B3GALT1: variants seen among roughly 807,000 people sequenced by gnomAD.
The protein encoded by B3GALT1 is UDP-Gal:betaGlcNAc beta 1,3-galactosyltransferase, polypeptide 1.
In B3GALT1, 10 loss-of-function variants were observed where a neutral mutation model predicts 23.2. That is an observed-to-expected ratio of 0.43 (90% CI 0.27 to 0.73). The LOEUF is 0.73. B3GALT1 is among the 30% of genes least tolerant of loss of function. The pLI is 0.21. For missense variants in B3GALT1, 299 were observed against 405.4 expected, an observed-to-expected ratio of 0.74 and a Z score of 2.25; for synonymous variants, 156 against 141.5, an observed-to-expected ratio of 1.10 and a Z score of -0.73.
At chr2:167,466,879 A>ATTTTTTTT (rs567975404) in intron 1 of B3GALT1, among the ~76,000 whole-genome samples, 102 of 84,920 alleles carry the variant, frequency 1.2e-3, no homozygotes, top group Non-Finnish European at 1.5e-3. Context: ...CGCCTGGCTA[A>ATTTTTTTT]TTTTTTTTTT....
intron 1 of B3GALT1, among the ~76,000 whole-genome samples, chr2:167,427,973 C>T (rs1450856231): frequency 2.0e-5 from 3 of 152,156 alleles, no homozygotes; most frequent in African/African-American, 7.2e-5. Context: ...CTTTTCTCTG[C>T]CATGCCCCAT....
intron 1 of B3GALT1, among the ~76,000 whole-genome samples, chr2:167,454,798 A>T (rs1487659556): frequency 1.3e-5 from 2 of 152,178 alleles, no homozygotes; most frequent in Non-Finnish European, 2.9e-5. Context: ...CATATGAGAA[A>T]ATCAAGGTCA....
At chr2:167,858,883 T>A (rs990913510) in intron 4 of B3GALT1, among the ~76,000 whole-genome samples, 2 of 152,176 alleles carry the variant, frequency 1.3e-5, no homozygotes, top group Non-Finnish European at 1.5e-5. Context: ...TCTAAAATAA[T>A]ACTACCTCTC....
chr2:167,308,556 C>A (rs1696584100), intron 1 of B3GALT1, among the ~76,000 whole-genome samples: 1 of 151,974 alleles, frequency 6.6e-6, no homozygotes, highest in African/African-American at 2.4e-5. Flanking sequence ...AATAAGATTC[C>A]TTCTATGTAG....
intron 1 of B3GALT1, among the ~76,000 whole-genome samples, chr2:167,422,974 G>A (rs965256440): frequency 6.6e-6 from 1 of 152,146 alleles, no homozygotes; most frequent in Non-Finnish European, 1.5e-5. Context: ...GAAAAGACAT[G>A]ATCCATGCCA....
intron 3 of B3GALT1, among the ~76,000 whole-genome samples, chr2:167,755,035 C>G (rs115102047): frequency 0.048 from 7,246 of 151,892 alleles, 190 homozygotes; most frequent in East Asian, 0.081. Context: ...TTGTAGGGGG[C>G]GGGGTGATGG....
At chr2:167,813,155 A>G in intron 3 of B3GALT1, among the ~76,000 whole-genome samples, 1 of 152,236 alleles carries the variant, frequency 6.6e-6, no homozygotes, top group East Asian at 1.9e-4. Flanking sequence ...GTTTTTTTGA[A>G]TGAAGCAATG....
intron 3 of B3GALT1, among the ~76,000 whole-genome samples, chr2:167,682,886 A>G (rs1406285680): frequency 6.6e-6 from 1 of 152,234 alleles, no homozygotes; most frequent in Non-Finnish European, 1.5e-5. Flanking sequence ...CTGATTTGAT[A>G]AAATTAGAAA....
At chr2:167,814,954 C>T (rs1221203556) in intron 3 of B3GALT1, 1 of 152,204 alleles carries the variant, frequency 6.6e-6, no homozygotes, top group Admixed American at 6.5e-5. Context: ...AAGATATCAA[C>T]ATGATGTCAT....
chr2:167,655,198 A>G (rs1343543913), intron 3 of B3GALT1, among the ~76,000 whole-genome samples: 2 of 152,198 alleles, frequency 1.3e-5, no homozygotes, highest in Non-Finnish European at 2.9e-5. Flanking sequence ...TTGGATCTTG[A>G]AACAAGCAGG....
chr2:167,580,348 C>T (rs1041970523), intron 2 of B3GALT1, among the ~76,000 whole-genome samples: 4 of 152,308 alleles, frequency 2.6e-5, no homozygotes, highest in African/African-American at 9.6e-5. Flanking sequence ...TCCCCTCCAA[C>T]CCCTCCGACT....
intron 2 of B3GALT1, among the ~76,000 whole-genome samples, chr2:167,545,410 T>C (rs1683618881): frequency 6.6e-6 from 1 of 152,148 alleles, no homozygotes; most frequent in Admixed American, 6.5e-5. Flanking sequence ...AATTAGCTTA[T>C]TTTCTATCCT....
At chr2:167,338,430 A>G (rs1697094252) in intron 1 of B3GALT1, among the ~76,000 whole-genome samples, 1 of 151,854 alleles carries the variant, frequency 6.6e-6, no homozygotes. Context: ...ATATTCCATA[A>G]TTTTGAAGAC....
At chr2:167,408,277 A>G (rs969492164) in intron 1 of B3GALT1, among the ~76,000 whole-genome samples, 2 of 152,226 alleles carry the variant, frequency 1.3e-5, no homozygotes. Flanking sequence ...CCTTATGATT[A>G]TTTGAATAGA....
chr2:167,506,883 G>A (rs980007264), intron 2 of B3GALT1, among the ~76,000 whole-genome samples: 2 of 152,076 alleles, frequency 1.3e-5, no homozygotes, highest in African/African-American at 4.8e-5. Context: ...TTCATTGACT[G>A]GAATGTAACA....
At chr2:167,491,290 T>C (rs1226462487) in intron 2 of B3GALT1, among the ~76,000 whole-genome samples, 1 of 152,152 alleles carries the variant, frequency 6.6e-6, no homozygotes, top group African/African-American at 2.4e-5. Flanking sequence ...CTCTGTGGTA[T>C]TTCTTCTGTA....
intron 2 of B3GALT1, among the ~76,000 whole-genome samples, chr2:167,542,164 T>G (rs1683544112): frequency 6.6e-6 from 1 of 152,134 alleles, no homozygotes; most frequent in Non-Finnish European, 1.5e-5. Context: ...TTATCTTGTA[T>G]AAATAATGTA....
At chr2:167,681,156 G>A (rs943351760) in intron 3 of B3GALT1, among the ~76,000 whole-genome samples, 1 of 152,140 alleles carries the variant, frequency 6.6e-6, no homozygotes, top group Non-Finnish European at 1.5e-5. Flanking sequence ...GCTGCAGCAA[G>A]CACACAGCTT....
chr2:167,421,042 G>T (rs1698540505), intron 1 of B3GALT1, among the ~76,000 whole-genome samples: 1 of 152,134 alleles, frequency 6.6e-6, no homozygotes, highest in African/African-American at 2.4e-5. Context: ...TTACTGAGTG[G>T]AACAATATAA....
Sources: allele counts gnomAD v4.1 joint callset (sites outside exome capture counted in the v4.1 genomes callset), GRCh38; gene constraint gnomAD v4.1.1; transcripts MANE v1.5; gene names NCBI Gene and HGNC (gene_info 2026-07-23, HGNC 2026-07-21).